The following WDR7 variants were observed in gnomAD, a reference collection of about 807,000 sequenced individuals.
WDR7 encodes the protein WD repeat-containing protein 7.
Under a neutral mutation model 169.4 loss-of-function variants are expected in WDR7, and 46 were observed. The ratio of observed to expected loss-of-function variants is 0.27; its 90% CI spans 0.21 to 0.35. The LOEUF (loss-of-function observed/expected upper bound fraction) is 0.35. Ranked by LOEUF, WDR7 falls within the 10% of genes least tolerant of loss-of-function variation. The probability of loss-of-function intolerance (pLI) is 1.00; values close to 1 mark genes in which losing one functional copy is unlikely to be tolerated. For synonymous variants in WDR7, 612 were observed against 666.8 expected (o/e 0.92, Z 1.27); for missense variants, 1,534 against 1,859.3 (o/e 0.83, Z 3.22).
intron 26 of WDR7, among the ~76,000 whole-genome samples, chr18:56,998,593 T>C (rs1352428278): frequency 6.6e-6 from 1 of 152,226 alleles, no homozygotes; most frequent in Non-Finnish European, 1.5e-5. Flanking sequence ...CATAGAATTC[T>C]ATTAAGGAAT....
chr18:56,729,300 A>T (rs1003275914), intron 13 of WDR7, among the ~76,000 whole-genome samples: 1 of 152,196 alleles, frequency 6.6e-6, no homozygotes, highest in Admixed American at 6.5e-5. Context: ...TTTTCCCACA[A>T]TATTTAAAAA....
intron 19 of WDR7, among the ~76,000 whole-genome samples, chr18:56,813,181 A>T (rs1465467419): frequency 4.0e-5 from 4 of 99,058 alleles, no homozygotes; most frequent in South Asian, 2.4e-4. Context: ...AGAGTATAAT[A>T]AAAAAAAAAA....
intron 19 of WDR7, among the ~76,000 whole-genome samples, chr18:56,808,099 G>A (rs917531672): frequency 6.6e-6 from 1 of 152,178 alleles, no homozygotes; most frequent in Non-Finnish European, 1.5e-5. Flanking sequence ...ACCGGCTGTG[G>A]ATCGATAGAA....
intron 19 of WDR7, among the ~76,000 whole-genome samples, chr18:56,790,687 T>G (rs2044470557): frequency 6.6e-6 from 1 of 152,146 alleles, no homozygotes; most frequent in Admixed American, 6.5e-5. Context: ...TTATTTTTCC[T>G]TAGTGATATT....
intron 22 of WDR7, among the ~76,000 whole-genome samples, chr18:56,925,539 A>G (rs1056394848): frequency 2.0e-5 from 3 of 152,146 alleles, no homozygotes; most frequent in African/African-American, 7.2e-5. Flanking sequence ...GATTTTCTCA[A>G]TGAATGGTGT....
At chr18:56,742,479 A>G (rs947565723) in intron 14 of WDR7, among the ~76,000 whole-genome samples, 25 of 152,228 alleles carry the variant, frequency 1.6e-4, no homozygotes, top group African/African-American at 5.8e-4. Flanking sequence ...GAGATCATAT[A>G]GAAGTTTTCA....
At chr18:56,668,713 A>G (rs985383095) in intron 1 of WDR7, among the ~76,000 whole-genome samples, 3 of 152,190 alleles carry the variant, frequency 2.0e-5, no homozygotes, top group Non-Finnish European at 4.4e-5. Flanking sequence ...CTAAATTGTT[A>G]TATTTGCATT....
chr18:56,834,441 A>G (rs1424766577), intron 20 of WDR7, among the ~76,000 whole-genome samples: 1 of 151,822 alleles, frequency 6.6e-6, no homozygotes, highest in Admixed American at 6.6e-5. Context: ...CACTGCTTGC[A>G]ATTTCGTTCC....
At chr18:56,671,551 G>A (rs908737469) in intron 1 of WDR7, among the ~76,000 whole-genome samples, 1 of 152,184 alleles carries the variant, frequency 6.6e-6, no homozygotes, top group South Asian at 2.1e-4. Context: ...GATTACAGGC[G>A]TGAGCCACTG....
At chr18:57,003,344 G>T (rs1037310199) in intron 26 of WDR7, among the ~76,000 whole-genome samples, 1 of 151,936 alleles carries the variant, frequency 6.6e-6, no homozygotes, top group Non-Finnish European at 1.5e-5. Flanking sequence ...ATACAAAAAA[G>T]GACATTTTGC....
chr18:56,850,371 C>T (rs1425111014), intron 20 of WDR7, among the ~76,000 whole-genome samples: 3 of 152,124 alleles, frequency 2.0e-5, no homozygotes, highest in Non-Finnish European at 4.4e-5. Context: ...CACCTGAAAA[C>T]TGGTAGGTGT....
chr18:56,715,377 T>C (rs1568154034), intron 12 of WDR7, among the ~76,000 whole-genome samples: 2 of 152,214 alleles, frequency 1.3e-5, no homozygotes, highest in Non-Finnish European at 2.9e-5. Flanking sequence ...TCATTTTCTC[T>C]ACTTTTTGGA....
At chr18:56,917,617 T>G (rs2046646619) in intron 21 of WDR7, among the ~76,000 whole-genome samples, 2 of 152,234 alleles carry the variant, frequency 1.3e-5, no homozygotes, top group Admixed American at 1.3e-4. Flanking sequence ...AGCCAGATAC[T>G]ACAAAAGTTT....
chr18:56,653,506 C>T lies in WDR7; in HGVS notation c.-20+1930C>T, dbSNP rs566146123. Among the ~76,000 whole-genome samples, 6 of 152,302 alleles carry T rather than the reference C, an allele frequency of 3.9e-5. No homozygotes were observed. The East Asian group carries it at 1.2e-3, about 29-fold the overall frequency. ...ACAGGTGTGAGCCACCACATCCAGT[C>T]TCATTCATTGTTTTTTGTTTCTAAT... On this transcript the variant is annotated intron_variant, in intron 1 of 27. Coordinates refer to ENST00000254442, the MANE Select transcript of WDR7 (RefSeq NM_015285.3).
chr18:56,693,654 C>A (rs776836388), intron 9 of WDR7, among the ~76,000 whole-genome samples: 6 of 131,642 alleles, frequency 4.6e-5, no homozygotes, highest in Admixed American at 9.2e-5. Flanking sequence ...TCACTGCAAC[C>A]TTTGCTTCCT....
chr18:56,761,135 G>A (rs2043974715), intron 16 of WDR7, among the ~76,000 whole-genome samples: 1 of 150,716 alleles, frequency 6.6e-6, no homozygotes, highest in Non-Finnish European at 1.5e-5. Flanking sequence ...TCTGCCTCCC[G>A]AGCAAGTGGG....
At chr18:56,749,670 C>T (rs1021823805) in intron 14 of WDR7, among the ~76,000 whole-genome samples, 1 of 151,664 alleles carries the variant, frequency 6.6e-6, no homozygotes, top group African/African-American at 2.4e-5. Context: ...TTTTAAAATC[C>T]TCTTGAAAAC....
intron 25 of WDR7, among the ~76,000 whole-genome samples, chr18:56,956,438 A>G (rs1485186700): frequency 6.6e-6 from 1 of 152,120 alleles, no homozygotes; most frequent in Non-Finnish European, 1.5e-5. Flanking sequence ...GATTGTGGCT[A>G]TGGCATCCAT....
intron 14 of WDR7, among the ~76,000 whole-genome samples, chr18:56,756,167 T>C (rs1227705071): frequency 6.6e-6 from 1 of 152,154 alleles, no homozygotes; most frequent in Non-Finnish European, 1.5e-5. Context: ...AAAGGAGGGA[T>C]ATGATGGTTG....
Sources: gnomAD v4.1 joint callset for allele counts (sites outside exome capture counted in the v4.1 genomes callset) on GRCh38, gnomAD v4.1.1 for gene constraint, MANE v1.5 for transcripts, NCBI Gene and HGNC (gene_info 2026-07-23, HGNC 2026-07-21) for gene names.